DNAJC1: variants seen among roughly 807,000 people sequenced by gnomAD.
DNAJC1 encodes the protein DnaJ heat shock protein family (Hsp40) member C1.
A neutral mutation model predicts 76.6 loss-of-function variants in DNAJC1; 58 were observed. The observed-to-expected ratio is 0.76, with a 90% CI of 0.61 to 0.94. The LOEUF (loss-of-function observed/expected upper bound fraction) is 0.94. DNAJC1 is among the 40% of genes least tolerant of loss of function. The pLI is 0.00. For synonymous variants in DNAJC1, 258 were observed against 267.9 expected, an observed-to-expected ratio of 0.96 and a Z score of 0.36; for missense variants, 689 against 677.3, an observed-to-expected ratio of 1.02 and a Z score of -0.19.
intron 7 of DNAJC1, among the ~76,000 whole-genome samples, chr10:21,885,918 G>A (rs534449702): frequency 4.6e-5 from 7 of 151,814 alleles, no homozygotes; most frequent in Non-Finnish European, 5.9e-5. Flanking sequence ...ACATCACAAC[G>A]GAAAGAATTA....
intron 3 of DNAJC1, among the ~76,000 whole-genome samples, chr10:21,926,650 G>A (rs1478459343): frequency 6.6e-6 from 1 of 152,074 alleles, no homozygotes; most frequent in East Asian, 1.9e-4. Context: ...TAGGTCACCT[G>A]GCCTCAGGCA....
At chr10:21,790,954 G>A (rs150377113) in intron 9 of DNAJC1, among the ~76,000 whole-genome samples, 1 of 151,924 alleles carries the variant, frequency 6.6e-6, no homozygotes, top group Non-Finnish European at 1.5e-5. Flanking sequence ...AAAAATATGA[G>A]TCAACTATAC....
intron 7 of DNAJC1, among the ~76,000 whole-genome samples, chr10:21,894,447 T>G (rs945048356): frequency 1.3e-5 from 2 of 152,176 alleles, no homozygotes; most frequent in Non-Finnish European, 2.9e-5. Context: ...GGCAGGCACC[T>G]GTAATCCCAC....
At chr10:21,857,135 T>C (rs888737499) in intron 8 of DNAJC1, among the ~76,000 whole-genome samples, 1 of 152,238 alleles carries the variant, frequency 6.6e-6, no homozygotes, top group Admixed American at 6.5e-5. Context: ...AAGAAGGATA[T>C]GCCATTTATC....
intron 8 of DNAJC1, among the ~76,000 whole-genome samples, chr10:21,879,433 G>C (rs1836236562): frequency 6.6e-6 from 1 of 152,090 alleles, no homozygotes; most frequent in South Asian, 2.1e-4. Context: ...AGACCAGCCT[G>C]GCCAACACGG....
intron 1 of DNAJC1, among the ~76,000 whole-genome samples, chr10:21,993,837 A>T (rs1243373889): frequency 2.6e-5 from 4 of 152,094 alleles, no homozygotes; most frequent in Admixed American, 1.3e-4. Context: ...ATTTTCTTCT[A>T]GCTCTATATT....
At chr10:21,922,361 CCTT>C (rs1315016141) in intron 3 of DNAJC1, among the ~76,000 whole-genome samples, 1 of 151,856 alleles carries the variant, frequency 6.6e-6, no homozygotes, top group Non-Finnish European at 1.5e-5. Context: ...GAAAACCTGA[CCTT>C]CTGATCAACT....
intron 3 of DNAJC1, among the ~76,000 whole-genome samples, chr10:21,926,167 G>A (rs186858519): frequency 1.4e-4 from 22 of 151,764 alleles, no homozygotes; most frequent in Non-Finnish European, 2.9e-4. Flanking sequence ...GCCTAAGCTG[G>A]TTTCCAACTC....
intron 10 of DNAJC1, among the ~76,000 whole-genome samples, chr10:21,766,023 A>G (rs1441827240): frequency 6.6e-6 from 1 of 152,160 alleles, no homozygotes; most frequent in Admixed American, 6.5e-5. Context: ...AAACTATAGA[A>G]GACGATCTGT....
At chr10:21,880,117 G>T (rs1199142818) in intron 8 of DNAJC1, among the ~76,000 whole-genome samples, 1 of 152,168 alleles carries the variant, frequency 6.6e-6, no homozygotes, top group African/African-American at 2.4e-5. Flanking sequence ...TCACCCATAA[G>T]AAACAACTCC....
rs1000390028 is a variant in DNAJC1, at chr10:21,840,096, G to A, written c.979-33997C>T. On this transcript the variant is annotated intron_variant, in intron 8 of 11. Transcript: ENST00000376980. ...TCAATAAATTAGGTATTGATGGGAC[G>A]CATCTCAAAATAATAAGAGCTATCT... Among the ~76,000 whole-genome samples the A allele has an allele frequency of 1.2e-4, 19 of 152,228 alleles. No homozygotes were observed. The South Asian group carries it at 1.5e-3, about 12-fold the overall frequency.
chr10:21,758,635 C>T (rs750638786), intron 11 of DNAJC1, among the ~76,000 whole-genome samples: 1 of 152,280 alleles, frequency 6.6e-6, no homozygotes, highest in Non-Finnish European at 1.5e-5. Flanking sequence ...TCTGGACAGC[C>T]ACCAGGTGTA....
At chr10:21,899,124 A>T (rs76612348) in intron 7 of DNAJC1, among the ~76,000 whole-genome samples, 3,683 of 152,232 alleles carry the variant, frequency 0.024, 134 homozygotes, top group African/African-American at 0.083. Context: ...TCACATATCT[A>T]TGCAATCCAT....
At chr10:21,995,518 C>G (rs1359828901) in intron 1 of DNAJC1, among the ~76,000 whole-genome samples, 1 of 152,208 alleles carries the variant, frequency 6.6e-6, no homozygotes, top group African/African-American at 2.4e-5. Flanking sequence ...TCCATTTTAA[C>G]ACTGCTGCAT....
At chr10:21,826,066 G>T (rs1835244216) in intron 8 of DNAJC1, among the ~76,000 whole-genome samples, 1 of 151,932 alleles carries the variant, frequency 6.6e-6, no homozygotes, top group African/African-American at 2.4e-5. Context: ...GCAAAACCCT[G>T]TCTCTACTAA....
At chr10:21,840,070 C>G (rs1333163030) in intron 8 of DNAJC1, among the ~76,000 whole-genome samples, 1 of 152,194 alleles carries the variant, frequency 6.6e-6, no homozygotes, top group Non-Finnish European at 1.5e-5. Flanking sequence ...GCTAAAAACT[C>G]TCAATAAATT....
chr10:21,833,975 G>A (rs187728604), intron 8 of DNAJC1, among the ~76,000 whole-genome samples: 1 of 152,200 alleles, frequency 6.6e-6, no homozygotes, highest in Non-Finnish European at 1.5e-5. Flanking sequence ...TGAAAGAGGG[G>A]TTCCCCAGGC....
Position 21,904,598 on chromosome 10 carries a change from A to G in DNAJC1, c.744T>C (p.Phe248=). ...LPHLIQDAGQ[F]YAKYKETRLK... ...ATCTTGTTTCTTTATATTTAGCATA[A>G]AACTGCCCAGCATCCTTAAGAAAAA... The change falls in exon 7 of 12, where the codon TTT becomes TTC. Residue 248 remains phenylalanine, a synonymous_variant. Coordinates refer to ENST00000376980, the MANE Select transcript of DNAJC1 (RefSeq NM_022365.4). The G allele has an allele frequency of 1.2e-6, 2 of 1,603,202 alleles. No homozygotes were observed. Among genetic ancestry groups the G allele is most frequent in the Non-Finnish European group, 8.5e-7 (1 of 1,174,756 alleles).
At chr10:21,835,198 C>T (rs1392326005) in intron 8 of DNAJC1, among the ~76,000 whole-genome samples, 8 of 152,204 alleles carry the variant, frequency 5.3e-5, no homozygotes, top group Non-Finnish European at 1.5e-5. Context: ...GCCACCGCTG[C>T]TGATACCCAG....
Sources: gnomAD v4.1 joint callset for allele counts (sites outside exome capture counted in the v4.1 genomes callset) on GRCh38, gnomAD v4.1.1 for gene constraint, MANE v1.5 for transcripts, NCBI Gene and HGNC (gene_info 2026-07-23, HGNC 2026-07-21) for gene names.